The following GLIS2 variants were observed in gnomAD, a reference collection of about 807,000 sequenced individuals.
GLIS2 encodes the protein GLIS family zinc finger 2.
GLIS2 carries 14 observed loss-of-function variants against 35.6 expected under a neutral mutation model. That is an observed-to-expected ratio of 0.39 (90% confidence interval 0.26 to 0.61). The LOEUF is 0.61. GLIS2 is among the 20% of genes least tolerant of loss of function. GLIS2 has a pLI of 0.48. For missense variants in GLIS2, 675 were observed against 713.4 expected (o/e 0.95, Z 0.61); for synonymous variants, 368 against 325.1 (o/e 1.13, Z -1.42).
Position 4,335,401 on chromosome 16 carries a change from G to A in GLIS2, c.775+8G>A. On this transcript the variant is annotated splice_region_variant and intron_variant, in intron 6 of 6. Coordinates refer to ENST00000433375, the MANE Select transcript of GLIS2 (RefSeq NM_032575.3). This position sits in a 1 kb window ranked among gnomAD's most constrained non-coding sequence, Gnocchi z 4.6. Reference sequence around the variant, plus strand: ...ACAACCGGTCGCACACAGGTAAGAGGCCGGGGCCGGGCGGCTTGGCCCATG... The same window carrying A: ...ACAACCGGTCGCACACAGGTAAGAGACCGGGGCCGGGCGGCTTGGCCCATG... 1 of 1,613,084 alleles carries A rather than the reference G, an allele frequency of 6.2e-7. No homozygotes were observed. The highest frequency in any genetic ancestry group is 8.5e-7 in the Non-Finnish European group (1 of 1,179,794).
In GLIS2 at chr16:4,335,176, C is replaced by T. The variant is rs1185231259; in HGVS notation, c.639C>T (p.Gly213=). The change falls in exon 5 of 7, where the codon GGC becomes GGT. Residue 213 remains glycine, a synonymous_variant. Transcript: ENST00000433375. The surrounding 1 kb of genome is among the most constrained non-coding windows in gnomAD (Gnocchi z 4.6). ...ACTGGGAGGGCTGCGCCCGCCATGG[C>T]CGAGGTTTCAACGCCAGGTGAGGTG... is the stretch of plus-strand genomic sequence containing the variant. The part of the protein sequence containing the change: ...CCHWEGCARH[G]RGFNARYKML... The T allele has an allele frequency of 1.2e-6, 2 of 1,613,356 alleles. No individual in the cohort carries two copies. Among genetic ancestry groups the T allele is most frequent in the Non-Finnish European group, 1.7e-6 (2 of 1,180,036 alleles).
rs1173714427 is a variant in GLIS2, at chr16:4,320,307, C to T, written c.-67+4053C>T. Reference sequence around the variant, plus strand: ...ACTGAGTCAGCCCCCGGCCGGGAGCCTCCGGAAAACAGTCCTGCCCGTCAC... The same window carrying T: ...ACTGAGTCAGCCCCCGGCCGGGAGCTTCCGGAAAACAGTCCTGCCCGTCAC... On this transcript the variant is annotated intron_variant, in intron 1 of 6. Coordinates refer to ENST00000433375, the MANE Select transcript of GLIS2 (RefSeq NM_032575.3). The surrounding 1 kb of genome is among the most constrained non-coding windows in gnomAD (Gnocchi z 5.6). Among the ~76,000 whole-genome samples, 1 of 152,116 alleles carries T rather than the reference C, an allele frequency of 6.6e-6. No homozygotes were observed. The highest frequency in any genetic ancestry group is 2.4e-5 in the African/African-American group (1 of 41,426).
At chr16:4,323,339 G>A (rs569673863) in intron 1 of GLIS2, among the ~76,000 whole-genome samples, 7 of 152,306 alleles carry the variant, frequency 4.6e-5, no homozygotes, top group African/African-American at 1.7e-4. Context: ...TGCGGGGCGG[G>A]CTTTCCTCTG....
intron 1 of GLIS2, among the ~76,000 whole-genome samples, chr16:4,317,577 T>C (rs2053327733): frequency 6.6e-6 from 1 of 152,018 alleles, no homozygotes; most frequent in Admixed American, 6.5e-5. Context: ...CACACACCCA[T>C]CCCGGGTGAC....
intron 1 of GLIS2, among the ~76,000 whole-genome samples, chr16:4,328,046 G>T (rs186059858): frequency 1.4e-3 from 210 of 152,348 alleles, no homozygotes; most frequent in African/African-American, 4.6e-3. Flanking sequence ...AGGAACGGAA[G>T]GCTCCACCAG....
exon 1 of GLIS2, among the ~76,000 whole-genome samples, chr16:4,316,064 GCCACCT>G (rs2053306882): frequency 7.6e-6 from 1 of 131,294 alleles, no homozygotes; most frequent in East Asian, 2.8e-4. Flanking sequence ...GGCCGCCGCG[GCCACCT>G]TCCCTGCCCG....
intron 1 of GLIS2, among the ~76,000 whole-genome samples, chr16:4,322,588 AC>A (rs1458849136): frequency 6.6e-6 from 1 of 151,888 alleles, no homozygotes; most frequent in African/African-American, 2.4e-5. Flanking sequence ...CATGAGGCTG[AC>A]CCGGATCTGT....
chr16:4,316,491 T>G (rs1269004533), intron 1 of GLIS2, among the ~76,000 whole-genome samples: 1 of 151,422 alleles, frequency 6.6e-6, no homozygotes, highest in African/African-American at 2.4e-5. Context: ...TTCTTCTCCC[T>G]CCTTCCTTCC....
chr16:4,322,712 T>C (rs1240203157), intron 1 of GLIS2, among the ~76,000 whole-genome samples: 1 of 150,286 alleles, frequency 6.7e-6, no homozygotes, highest in Admixed American at 6.7e-5. Flanking sequence ...TTGGAATGCA[T>C]GAATGCGTGG....
intron 1 of GLIS2, among the ~76,000 whole-genome samples, 45 bp downstream of exon 1, chr16:4,316,299 C>CG (rs1293109635): frequency 0.046 from 2,419 of 52,918 alleles, 104 homozygotes; most frequent in African/African-American, 0.062. Context: ...CGGGCCGGGG[C>CG]GGGGGGGGGG....
At chr16:4,333,101 G>A (rs1316943474) in intron 2 of GLIS2, among the ~76,000 whole-genome samples, 1 of 152,176 alleles carries the variant, frequency 6.6e-6, no homozygotes, top group Non-Finnish European at 1.5e-5. Context: ...GACCATTCCC[G>A]TCTGCAAAGC....
At position 4,333,508 on chromosome 16, in the gene GLIS2, C is replaced by T. The variant is rs1354652895; in HGVS notation, c.334C>T (p.Pro112Ser). The change falls in exon 3 of 7, where the codon CCC (proline) becomes TCC (serine). Residue 112 changes from proline to serine, a missense_variant. By Grantham distance (74) the Pro-to-Ser change is moderately conservative. This residue lies in a region of GLIS2 where 225 missense variants were observed against 238.7 expected (regional missense o/e 0.94). Transcript: ENST00000433375. ...GGGCAACGGGGACCTGCCTCCAGTG[C>T]CCAGTGCCTCGGTAAGGAGGGGTGA... ...RQGNGDLPPV[P>S]SASDFQPLRY... 1 of 1,610,000 alleles carries T rather than the reference C, an allele frequency of 6.2e-7. No individual in the cohort carries two copies. Among genetic ancestry groups the T allele is most frequent in the Non-Finnish European group, 8.5e-7 (1 of 1,178,310 alleles).
chr16:4,339,171 T>C lies in GLIS2; in HGVS notation c.*1647T>C, dbSNP rs1330172104. The C allele has an allele frequency of 6.6e-6, 1 of 152,424 alleles. No individual in the cohort carries two copies. The highest frequency in any genetic ancestry group is 2.4e-5 in the African/African-American group (1 of 41,462). 9.4% of individuals were successfully genotyped at this position (152,424 alleles called of 1,614,324 possible). A position where few individuals can be genotyped will look rare whatever the true frequency, so the allele number is the denominator to read the frequency against. ...CTGGCTCTGCCCCTCGAAGGGGCTA[T>C]GAGCAAGGTAGGAGGGAGCTGGTCT... On this transcript the variant is annotated 3_prime_UTR_variant, in exon 7 of 7. Transcript: ENST00000433375.
At chr16:4,326,608 GC>G in intron 1 of GLIS2, 1 of 152,372 alleles carries the variant, frequency 6.6e-6, no homozygotes, top group Middle Eastern at 3.4e-3. Context: ...GAAAGGAGGA[GC>G]TTTTTTTGTT....
In GLIS2 at chr16:4,320,969, G is replaced by A. The variant is rs1313129348; in HGVS notation, c.-67+4715G>A. ...CCAGGCCTGGCAGATCCTGCCAGTG[G>A]GTGTTCCCCTTTGGAAGGAAAAGGA... On this transcript the variant is annotated intron_variant, in intron 1 of 6. Coordinates refer to ENST00000433375, the MANE Select transcript of GLIS2 (RefSeq NM_032575.3). This position sits in a 1 kb window ranked among gnomAD's most constrained non-coding sequence, Gnocchi z 5.6. Among the ~76,000 whole-genome samples the A allele has an allele frequency of 6.6e-6, 1 of 152,182 alleles. No individual in the cohort carries two copies. The highest frequency in any genetic ancestry group is 1.5e-5 in the Non-Finnish European group (1 of 68,034).
chr16:4,327,181 A>AC (rs1213045514), intron 1 of GLIS2, among the ~76,000 whole-genome samples: 1 of 152,188 alleles, frequency 6.6e-6, no homozygotes, highest in African/African-American at 2.4e-5. Context: ...GGCGTCAGCC[A>AC]CCGCGCCTGG....
At chr16:4,325,929 TAAAAAAAAAAAA>T (rs58290393) in intron 1 of GLIS2, among the ~76,000 whole-genome samples, 4 of 40,136 alleles carry the variant, frequency 1.0e-4, no homozygotes, top group Admixed American at 3.7e-4. Flanking sequence ...CTCTGTGTCT[TAAAAAAAAAAAA>T]AAAAAAAAAA....
Position 4,320,280 on chromosome 16 carries a change from G to A in GLIS2, c.-67+4026G>A, listed in dbSNP as rs372053669. On this transcript the variant is annotated intron_variant, in intron 1 of 6. Transcript: ENST00000433375. This position sits in a 1 kb window ranked among gnomAD's most constrained non-coding sequence, Gnocchi z 5.6. Reference sequence around the variant, plus strand: ...CAGAGGCCCCAGGAGACCGCTGAGTGGACTGAGTCAGCCCCCGGCCGGGAG... The same window carrying A: ...CAGAGGCCCCAGGAGACCGCTGAGTAGACTGAGTCAGCCCCCGGCCGGGAG... Among the ~76,000 whole-genome samples, 103 of 152,260 alleles carry A rather than the reference G, an allele frequency of 6.8e-4. No homozygotes were observed. Among genetic ancestry groups the A allele is most frequent in the Non-Finnish European group, 1.4e-3 (93 of 68,008 alleles).
chr16:4,333,923 G>A (rs1412905645), intron 3 of GLIS2, among the ~76,000 whole-genome samples: 2 of 152,068 alleles, frequency 1.3e-5, no homozygotes, highest in South Asian at 2.1e-4. Flanking sequence ...AACTAGCCTG[G>A]GCAACATAGC....
Sources: allele counts gnomAD v4.1 joint callset (sites outside exome capture counted in the v4.1 genomes callset), GRCh38; gene constraint gnomAD v4.1.1; regional missense constraint gnomAD v4.1.1; non-coding constraint Gnocchi (gnomAD v3.1); transcripts MANE v1.5; gene names NCBI Gene and HGNC (gene_info 2026-07-23, HGNC 2026-07-21).